Variants in ALK observed in about 807,000 individuals in gnomAD.
The protein encoded by ALK is ALK receptor tyrosine kinase, also known as ALK tyrosine kinase receptor.
ALK carries 74 observed loss-of-function variants against 163.1 expected under a neutral mutation model. The ratio of observed to expected loss-of-function variants is 0.45; its 90% confidence interval spans 0.38 to 0.55. ALK has a LOEUF of 0.55. Among genes scored for constraint, ALK ranks in the 20% least tolerant of loss-of-function variants. ALK has a pLI of 0.00. For missense variants in ALK, 2,063 were observed against 2,105.3 expected (o/e 0.98, Z 0.39); for synonymous variants, 960 against 843.2 (o/e 1.14, Z -2.40).
chr2:29,376,566 G>A (rs1327958586), intron 5 of ALK, among the ~76,000 whole-genome samples: 1 of 152,238 alleles, frequency 6.6e-6, no homozygotes, highest in Non-Finnish European at 1.5e-5. Context: ...TGGCATAGAT[G>A]AGTGGATGCA....
At chr2:29,787,631 G>A (rs188267315) in intron 1 of ALK, among the ~76,000 whole-genome samples, 1 of 152,214 alleles carries the variant, frequency 6.6e-6, no homozygotes, top group African/African-American at 2.4e-5. Context: ...TTTAGAAAAT[G>A]AGTCAGAGTT....
At chr2:29,475,882 A>T (rs1177960846) in intron 4 of ALK, among the ~76,000 whole-genome samples, 1 of 141,324 alleles carries the variant, frequency 7.1e-6, no homozygotes, top group African/African-American at 2.6e-5. Flanking sequence ...GAGAGAGAGC[A>T]TGTCTATAAA....
chr2:29,784,713 A>AAAAAC (rs1663958566), intron 1 of ALK, among the ~76,000 whole-genome samples: 11 of 150,850 alleles, frequency 7.3e-5, no homozygotes, highest in South Asian at 2.1e-4. Context: ...ACAACAACAA[A>AAAAAC]AACAACAACA....
At chr2:29,645,817 T>A (rs543745030) in intron 3 of ALK, among the ~76,000 whole-genome samples, 1 of 152,248 alleles carries the variant, frequency 6.6e-6, no homozygotes, top group South Asian at 2.1e-4. Context: ...AGGGCTCTCT[T>A]GGTTTTCCTC....
chr2:29,833,037 C>G, intron 1 of ALK, among the ~76,000 whole-genome samples: 1 of 152,228 alleles, frequency 6.6e-6, no homozygotes, highest in East Asian at 1.9e-4. Context: ...GGTGGGTGCA[C>G]AGCCCAGAGA....
chr2:29,220,928 A>T (rs2148166969), intron 22 of ALK, 93 bp from the exon 23 acceptor site: 1 of 1,552,150 alleles, frequency 6.4e-7, no homozygotes, highest in African/African-American at 1.4e-5. Flanking sequence ...TTACATTTTC[A>T]GCAGCTACAA....
chr2:29,360,620 T>G (rs1021186891), intron 5 of ALK, among the ~76,000 whole-genome samples: 2 of 152,156 alleles, frequency 1.3e-5, no homozygotes, highest in Non-Finnish European at 2.9e-5. Context: ...ACAGAAATGA[T>G]TCATGGACTC....
intron 3 of ALK, among the ~76,000 whole-genome samples, chr2:29,656,621 C>T (rs1224075310): frequency 1.3e-5 from 2 of 152,106 alleles, no homozygotes; most frequent in African/African-American, 2.4e-5. Context: ...TTATTGTCTC[C>T]ATTTTACACA....
chr2:29,265,856 C>A (rs1220867336), intron 11 of ALK, among the ~76,000 whole-genome samples: 2 of 152,084 alleles, frequency 1.3e-5, no homozygotes, highest in African/African-American at 4.8e-5. Flanking sequence ...GGTGTGGTGG[C>A]AGGTGCCTGT....
intron 3 of ALK, among the ~76,000 whole-genome samples, chr2:29,647,783 T>TC (rs1676926071): frequency 1.3e-5 from 2 of 148,374 alleles, no homozygotes; most frequent in Non-Finnish European, 3.0e-5. Context: ...TTCTTTTTTT[T>TC]TTTTTTTTTT....
chr2:29,574,961 C>T (rs558938441), intron 3 of ALK, among the ~76,000 whole-genome samples: 1 of 152,160 alleles, frequency 6.6e-6, no homozygotes, highest in African/African-American at 2.4e-5. Flanking sequence ...AATACCTGCA[C>T]GGCAACTTCA....
intron 4 of ALK, among the ~76,000 whole-genome samples, chr2:29,475,524 C>T (rs1355983955): frequency 2.0e-5 from 3 of 152,186 alleles, no homozygotes; most frequent in Non-Finnish European, 4.4e-5. Context: ...CCTGAACAGT[C>T]TCGGGCCCGC....
intron 1 of ALK, among the ~76,000 whole-genome samples, chr2:29,876,058 ATG>A (rs1332231854): frequency 6.6e-6 from 1 of 152,004 alleles, no homozygotes; most frequent in Non-Finnish European, 1.5e-5. Context: ...GCCTAGCAAT[ATG>A]TGTGTGTGTT....
At chr2:29,206,049 G>A (rs1004705098) in intron 26 of ALK, among the ~76,000 whole-genome samples, 6 of 152,172 alleles carry the variant, frequency 3.9e-5, no homozygotes, top group African/African-American at 1.4e-4. Flanking sequence ...CAGAGAGAGA[G>A]CCCAAGTCTT....
chr2:29,408,919 C>A (rs1195373018), intron 4 of ALK, among the ~76,000 whole-genome samples: 2 of 152,166 alleles, frequency 1.3e-5, no homozygotes, highest in Non-Finnish European at 1.5e-5. Context: ...CCTTGGAATG[C>A]AATTTCCCAG....
At chr2:29,521,382 A>C (rs192414455) in intron 4 of ALK, among the ~76,000 whole-genome samples, 3 of 152,158 alleles carry the variant, frequency 2.0e-5, no homozygotes, top group Non-Finnish European at 2.9e-5. Flanking sequence ...ACAATCAGTC[A>C]TTGGAAAGGA....
At chr2:29,902,607 G>A (rs138155729) in intron 1 of ALK, among the ~76,000 whole-genome samples, 8 of 152,256 alleles carry the variant, frequency 5.3e-5, no homozygotes, top group East Asian at 3.9e-4. Context: ...TGTACTTACC[G>A]ACATAAAATC....
In ALK at chr2:29,920,953, C is replaced by G. The variant is rs1320503195; in HGVS notation, c.-294G>C. ...CGCTCTCCGCGCCGAGTGCCGCGCC[C>G]CCGTCTGTAGCTCGCTGCGCTCGGT... On this transcript the variant is annotated 5_prime_UTR_variant, in exon 1 of 29. Transcript: ENST00000389048. 4.0e-6 allele frequency: 2 copies of G among 494,270 alleles called. No homozygotes were observed. Among genetic ancestry groups the G allele is most frequent in the Admixed American group, 7.0e-5 (2 of 28,452 alleles). The allele number at this position is 494,270 out of a possible 1,614,324, so 30.6% of individuals were successfully genotyped here. A position where few individuals can be genotyped will look rare whatever the true frequency, so the allele number is the denominator to read the frequency against.
At chr2:29,497,065 G>C (rs1367710621) in intron 4 of ALK, among the ~76,000 whole-genome samples, 2 of 152,182 alleles carry the variant, frequency 1.3e-5, no homozygotes, top group African/African-American at 4.8e-5. Flanking sequence ...GAGGTGAGGA[G>C]TTCGAGACCA....
Sources: gnomAD v4.1 joint callset for allele counts (sites outside exome capture counted in the v4.1 genomes callset) on GRCh38, gnomAD v4.1.1 for gene constraint, MANE v1.5 for transcripts, NCBI Gene and HGNC (gene_info 2026-07-23, HGNC 2026-07-21) for gene names.